The following RAB5A variants were observed in gnomAD, a reference collection of about 807,000 sequenced individuals.
RAB5A encodes ras-related protein Rab-5A.
Under a neutral mutation model 25.7 loss-of-function variants are expected in RAB5A, and 8 were observed. That is an observed-to-expected ratio of 0.31 (90% CI 0.18 to 0.56). The LOEUF (loss-of-function observed/expected upper bound fraction) is 0.56, where lower values mean the gene tolerates loss of function less well. Ranked by LOEUF, RAB5A falls within the 20% of genes least tolerant of loss-of-function variation. The probability of loss-of-function intolerance (pLI) is 0.91; values close to 1 mark genes in which losing one functional copy is unlikely to be tolerated. For missense variants in RAB5A, 192 were observed against 259.7 expected (o/e 0.74, Z 1.79); for synonymous variants, 98 against 89.8 (o/e 1.09, Z -0.52).
At chr3:19,983,684 A>G (rs763769103) in intron 5 of RAB5A, 24 bp from the exon 6 acceptor site, 3 of 1,424,906 alleles carry the variant, frequency 2.1e-6, no homozygotes, top group Non-Finnish European at 2.9e-6. Context: ...CAAATATTCT[A>G]TTTATTTGAT....
At chr3:19,949,678 C>T (rs1008841397) in intron 1 of RAB5A, among the ~76,000 whole-genome samples, 2 of 152,100 alleles carry the variant, frequency 1.3e-5, no homozygotes, top group Admixed American at 1.3e-4. Context: ...TCACTAATTC[C>T]TTAGAGATTA....
chr3:19,948,905 C>T (rs752445384), intron 1 of RAB5A, among the ~76,000 whole-genome samples: 3 of 152,068 alleles, frequency 2.0e-5, no homozygotes, highest in African/African-American at 4.8e-5. Flanking sequence ...TGTATTGGTG[C>T]ATTTTCAGTA....
intron 2 of RAB5A, among the ~76,000 whole-genome samples, chr3:19,972,082 A>G (rs1240441797): frequency 1.3e-5 from 2 of 151,968 alleles, no homozygotes; most frequent in Admixed American, 6.6e-5. Context: ...TCGAGCATCA[A>G]TATGATGTCA....
At chr3:19,952,637 T>A (rs1696440260) in intron 2 of RAB5A, among the ~76,000 whole-genome samples, 3 of 152,236 alleles carry the variant, frequency 2.0e-5, no homozygotes, top group Non-Finnish European at 2.9e-5. Flanking sequence ...TTAGAATGTT[T>A]TATGTTTTTT....
chr3:19,958,856 T>C (rs1696543210), intron 2 of RAB5A, among the ~76,000 whole-genome samples: 1 of 152,028 alleles, frequency 6.6e-6, no homozygotes, highest in Non-Finnish European at 1.5e-5. Context: ...TGAGAATTGC[T>C]TCAACCTGGG....
intron 2 of RAB5A, among the ~76,000 whole-genome samples, chr3:19,952,574 G>T (rs1696439270): frequency 6.6e-6 from 1 of 152,186 alleles, no homozygotes; most frequent in South Asian, 2.1e-4. Context: ...AGTAAGATAA[G>T]TTACAGAAGT....
At chr3:19,976,003 C>A in intron 3 of RAB5A, 44 bp from the exon 4 acceptor site, 1 of 1,583,140 alleles carries the variant, frequency 6.3e-7, no homozygotes, top group South Asian at 1.2e-5. Flanking sequence ...GCTTGGTAAC[C>A]ATTTTTTGAG....
chr3:19,958,815 A>G (rs1696542374), intron 2 of RAB5A, among the ~76,000 whole-genome samples: 1 of 152,008 alleles, frequency 6.6e-6, no homozygotes, highest in South Asian at 2.1e-4. Context: ...AACCTGGGTG[A>G]CAGGGCGCTG....
intron 2 of RAB5A, among the ~76,000 whole-genome samples, chr3:19,974,307 A>G (rs866899257): frequency 6.6e-6 from 1 of 151,968 alleles, no homozygotes; most frequent in South Asian, 2.1e-4. Context: ...GGCAAGCGCC[A>G]CCATGTCGAG....
chr3:19,957,544 T>A (rs2125181268), intron 2 of RAB5A, among the ~76,000 whole-genome samples: 1 of 151,506 alleles, frequency 6.6e-6, no homozygotes, highest in Non-Finnish European at 1.5e-5. Context: ...ATGCCTGTAA[T>A]TCCAGCTACT....
chr3:19,947,266 C>CCGGCGGCGGTGG lies in RAB5A; in HGVS notation c.-340_-339insTGGCGGCGGCGG. On this transcript the variant is annotated 5_prime_UTR_variant, in exon 1 of 6. Transcript: ENST00000273047. Reference sequence around the variant, plus strand: ...GGAAGAATTAGTCGGAACTCCAGCGCCGGCGGCGGCGGCGGCGGCGGAGGA... The same window carrying CCGGCGGCGGTGG: ...GGAAGAATTAGTCGGAACTCCAGCGCCGGCGGCGGTGGCGGCGGCGGCGGCGGCGGCGGAGGA... 1 of 182,512 alleles carries CCGGCGGCGGTGG rather than the reference C, an allele frequency of 5.5e-6. No homozygotes were observed. Among genetic ancestry groups the CCGGCGGCGGTGG allele is most frequent in the Non-Finnish European group, 1.1e-5 (1 of 91,008 alleles). The allele number at this position is 182,512 out of a possible 1,614,324, so 11.3% of individuals were successfully genotyped here.
At chr3:19,967,341 C>T (rs982774254) in intron 2 of RAB5A, among the ~76,000 whole-genome samples, 7 of 152,076 alleles carry the variant, frequency 4.6e-5, no homozygotes, top group African/African-American at 9.7e-5. Flanking sequence ...GACAGGGTTT[C>T]GTCATTTTGG....
chr3:19,951,294 A>C, intron 2 of RAB5A: 1 of 400,866 alleles, frequency 2.5e-6, no homozygotes, highest in Non-Finnish European at 4.5e-6. Context: ...AAATACAGAT[A>C]AAAAACATGA....
intron 2 of RAB5A, among the ~76,000 whole-genome samples, chr3:19,969,796 C>T (rs1334232869): frequency 6.6e-6 from 1 of 151,964 alleles, no homozygotes; most frequent in Non-Finnish European, 1.5e-5. Flanking sequence ...TATGGGGTGG[C>T]GGTTACTTTG....
At position 19,950,876 on chromosome 3, in the gene RAB5A, A is replaced by G. The variant is rs770467311; in HGVS notation, c.-23A>G. On this transcript the variant is annotated 5_prime_UTR_variant, in exon 2 of 6. Coordinates refer to ENST00000273047, the MANE Select transcript of RAB5A (RefSeq NM_004162.5). ...GAAGTTCATTGAAGAGTCTGAAATT[A>G]GGGACTTATTTCAAATTTGGACATG... 6 of 1,596,482 alleles carry G rather than the reference A, an allele frequency of 3.8e-6. No homozygotes were observed. In the South Asian group the frequency reaches 5.6e-5, roughly 15 times the overall value.
At chr3:19,982,839 GATATGATCTA>G (rs1293555807) in intron 5 of RAB5A, among the ~76,000 whole-genome samples, 2 of 152,060 alleles carry the variant, frequency 1.3e-5, no homozygotes, top group Non-Finnish European at 2.9e-5. Context: ...GGAAATAGTA[GATATGATCTA>G]TCACAATTCG....
At chr3:19,960,026 G>C (rs1487684102) in intron 2 of RAB5A, among the ~76,000 whole-genome samples, 2 of 152,200 alleles carry the variant, frequency 1.3e-5, no homozygotes, top group Non-Finnish European at 2.9e-5. Flanking sequence ...GGTGGAGGCT[G>C]TGGGATGGGA....
chr3:19,968,963 T>G (rs1696698221), intron 2 of RAB5A, among the ~76,000 whole-genome samples: 2 of 152,164 alleles, frequency 1.3e-5, no homozygotes, highest in South Asian at 4.1e-4. Flanking sequence ...CAAAATCCTT[T>G]CCAACGGAGT....
In RAB5A at chr3:19,983,820, C is replaced by G. The variant is rs1696979756; in HGVS notation, c.645C>G (p.Asn215Lys). 6.3e-7 allele frequency: 1 copy of G among 1,582,570 alleles called. No individual in the cohort carries two copies. The highest frequency in any genetic ancestry group is 8.7e-7 in the Non-Finnish European group (1 of 1,153,058). ...TQPTRNQCCS[N>K] ...CAACCAGGAATCAGTGTTGTAGTAA[C>G]TAAACCTCTAGTTTGAACTAGCTGG... is the stretch of plus-strand genomic sequence containing the variant. Residue 215 changes from asparagine (N) to lysine (K), a missense_variant, in exon 6 of 6, where the codon AAC (asparagine) becomes AAG (lysine). By Grantham distance (94) the Asn-to-Lys change is moderately conservative. Transcript: ENST00000273047.
Sources: gnomAD v4.1 joint callset for allele counts (sites outside exome capture counted in the v4.1 genomes callset) on GRCh38, gnomAD v4.1.1 for gene constraint, MANE v1.5 for transcripts, NCBI Gene and HGNC (gene_info 2026-07-23, HGNC 2026-07-21) for gene names.